MIGA2: variants seen among roughly 807,000 people sequenced by gnomAD.
The protein encoded by MIGA2 is mitoguardin 2.
Under a neutral mutation model 69.9 loss-of-function variants are expected in MIGA2, and 36 were observed. That is an observed-to-expected ratio of 0.52 (90% confidence interval 0.39 to 0.68). MIGA2 has a LOEUF of 0.68. Ranked by LOEUF, MIGA2 falls within the 30% of genes least tolerant of loss-of-function variation. The pLI, the probability that MIGA2 is intolerant of heterozygous loss-of-function variation, is 0.00. For missense variants in MIGA2, 660 were observed against 787.7 expected (o/e 0.84, Z 1.94); for synonymous variants, 333 against 349.2 (o/e 0.95, Z 0.52).
chr9:129,037,221 C>G (rs1409402998), intron 1 of MIGA2, among the ~76,000 whole-genome samples: 1 of 151,868 alleles, frequency 6.6e-6, no homozygotes, highest in African/African-American at 2.4e-5. Flanking sequence ...GAGTCGGGGA[C>G]GTTGTTGGGG....
At chr9:129,048,327 C>A in intron 3 of MIGA2, 100 bp from the exon 4 acceptor site, 1 of 1,018,534 alleles carries the variant, frequency 9.8e-7, no homozygotes, top group Non-Finnish European at 1.5e-6. Context: ...GGGACCGATT[C>A]CCAGATGAGG....
intron 6 of MIGA2, among the ~76,000 whole-genome samples, chr9:129,050,619 T>TG (rs1338179524): frequency 6.7e-6 from 1 of 150,338 alleles, no homozygotes; most frequent in Non-Finnish European, 1.5e-5. Flanking sequence ...TCACTCTGGC[T>TG]GGAGTGCAGT....
chr9:129,051,249 G>C (rs529767975), intron 6 of MIGA2: 29 of 173,282 alleles, frequency 1.7e-4, no homozygotes, highest in Non-Finnish European at 3.0e-4. Flanking sequence ...GTTTTCAACA[G>C]TGAATTATTT....
At chr9:129,039,554 T>TATG (rs1305702594) in intron 1 of MIGA2, among the ~76,000 whole-genome samples, 1 of 151,530 alleles carries the variant, frequency 6.6e-6, no homozygotes, top group East Asian at 1.9e-4. Context: ...TTCTTTATTT[T>TATG]ATTATTATTA....
intron 11 of MIGA2, among the ~76,000 whole-genome samples, chr9:129,064,351 C>T (rs928178532): frequency 6.6e-6 from 1 of 151,858 alleles, no homozygotes; most frequent in Non-Finnish European, 1.5e-5. Flanking sequence ...GGACTACAGG[C>T]GCTCGCCACC....
rs1357989505 is a variant in MIGA2, at chr9:129,059,638, G to A, written c.793+367G>A. 1.3e-5 allele frequency among the ~76,000 whole-genome samples: 2 copies of A among 152,220 alleles called. No homozygotes were observed. Among genetic ancestry groups the A allele is most frequent in the Admixed American group, 6.5e-5 (1 of 15,286 alleles). On this transcript the variant is annotated intron_variant, in intron 7 of 15. Transcript: ENST00000684074. The surrounding 1 kb of genome is among the most constrained non-coding windows in gnomAD (Gnocchi z 5.6). ...TGGGTGGGTGGATGGAGTGACTCAC[G>A]GGAGGTTCACTCAGAGCAGGCCAAA...
rs1845339786 is a variant in MIGA2 at position 129,048,320 on chromosome 9, A to C, written c.308-107A>C. 3.1e-6 allele frequency: 3 copies of C among 953,496 alleles called. No individual in the cohort carries two copies. In the South Asian group the frequency reaches 4.1e-5, roughly 13 times the overall value. The allele number at this position is 953,496 out of a possible 1,614,324, so 59.1% of individuals were successfully genotyped here. ...TGTTCCCCTGACTTAGAAGGTCGGGACCGATTCCCAGATGAGGAAGAAGGG... is the reference window on the plus strand; with the variant it reads ...TGTTCCCCTGACTTAGAAGGTCGGGCCCGATTCCCAGATGAGGAAGAAGGG... On this transcript the variant is annotated intron_variant, in intron 3 of 15. Transcript: ENST00000684074.
At chr9:129,044,265 C>CCAGG (rs1845087382) in intron 3 of MIGA2, among the ~76,000 whole-genome samples, 1 of 150,780 alleles carries the variant, frequency 6.6e-6, no homozygotes, top group African/African-American at 2.4e-5. Flanking sequence ...GTGCTGGGAG[C>CCAGG]CAGGCATGAG....
intron 11 of MIGA2, among the ~76,000 whole-genome samples, chr9:129,064,453 C>T (rs1489707028): frequency 4.0e-5 from 6 of 151,436 alleles, no homozygotes; most frequent in African/African-American, 1.2e-4. Context: ...GTGATCCGCC[C>T]GCCTCGGCCT....
At chr9:129,055,525 C>G (rs909791647) in intron 6 of MIGA2, among the ~76,000 whole-genome samples, 1 of 151,908 alleles carries the variant, frequency 6.6e-6, no homozygotes, top group African/African-American at 2.4e-5. Flanking sequence ...TCATAAATTT[C>G]CAAAAAATTC....
chr9:129,063,820 G>A (rs932290916), intron 11 of MIGA2, among the ~76,000 whole-genome samples, 189 bp downstream of exon 11: 2 of 152,164 alleles, frequency 1.3e-5, no homozygotes, highest in East Asian at 1.9e-4. Flanking sequence ...TTACCATCCC[G>A]CAGTTTACCC....
intron 11 of MIGA2, 23 bp downstream of exon 11, chr9:129,063,654 G>A (rs201550033): frequency 1.2e-5 from 10 of 863,552 alleles, no homozygotes; most frequent in Non-Finnish European, 1.8e-5. Flanking sequence ...GGGGTGGGGG[G>A]GCAAATTATA....
At chr9:129,047,156 T>G (rs1459516042) in intron 3 of MIGA2, 2 of 151,846 alleles carry the variant, frequency 1.3e-5, no homozygotes, top group Non-Finnish European at 2.9e-5. Flanking sequence ...CTTGGCTCAC[T>G]GCAACCTCTG....
In MIGA2 at chr9:129,042,426, G is replaced by A. The variant is rs1438641172; in HGVS notation, c.219G>A (p.Lys73=). The change falls in exon 3 of 16, where the codon AAG becomes AAA. Residue 73 remains lysine, a synonymous_variant. Coordinates refer to ENST00000684074, the MANE Select transcript of MIGA2 (RefSeq NM_001329990.2). The part of the protein sequence containing the change: ...HQLKRRRRRK[K]QVGPEMGGEQ... ...TGAAGAGGCGACGGAGGAGGAAGAA[G>A]CAGGTTGGTCCCGAGATGGGAGGGG... The A allele has an allele frequency of 1.9e-6, 3 of 1,613,254 alleles. No homozygotes were observed. The highest frequency in any genetic ancestry group is 1.1e-5 in the South Asian group (1 of 90,924).
intron 6 of MIGA2, among the ~76,000 whole-genome samples, chr9:129,052,584 G>A (rs1845604554): frequency 7.0e-6 from 1 of 143,032 alleles, no homozygotes; most frequent in African/African-American, 3.0e-5. Context: ...TGAGGGGATG[G>A]GGCCACTTTT....
At chr9:129,056,773 C>A (rs990948716) in intron 6 of MIGA2, among the ~76,000 whole-genome samples, 5 of 152,128 alleles carry the variant, frequency 3.3e-5, no homozygotes, top group Non-Finnish European at 5.9e-5. Flanking sequence ...CCCGCCTCGC[C>A]CCCCAAAGTG....
chr9:129,053,259 G>T (rs1845637015), intron 6 of MIGA2, among the ~76,000 whole-genome samples: 1 of 152,120 alleles, frequency 6.6e-6, no homozygotes, highest in African/African-American at 2.4e-5. Context: ...ATATCTACAT[G>T]CCAGGACGCC....
Position 129,049,775 on chromosome 9 carries a change from G to A in MIGA2, c.539-52G>A, listed in dbSNP as rs1198596232. 2.5e-6 allele frequency: 4 copies of A among 1,610,746 alleles called. No individual in the cohort carries two copies. In the Admixed American group the frequency reaches 6.8e-5, roughly 28 times the overall value. On this transcript the variant is annotated intron_variant, in intron 5 of 15. Transcript: ENST00000684074. ...TCCTTGATGTTCTGAGCCCCCTCTT[G>A]GGTGAGACTGTGGAGGTGCTGACCC...
chr9:129,069,993 C>T lies in MIGA2; in HGVS notation c.1575+28C>T. On this transcript the variant is annotated intron_variant, in intron 15 of 15. Coordinates refer to ENST00000684074, the MANE Select transcript of MIGA2 (RefSeq NM_001329990.2). This position sits in a 1 kb window ranked among gnomAD's most constrained non-coding sequence, Gnocchi z 4.9. ...AAACAGAGAGCAGTTCTCGTTCTTT[C>T]CTGACCCTTGCCCTGAGCACAGGCG... 6.5e-7 allele frequency: 1 copy of T among 1,544,042 alleles called. No individual in the cohort carries two copies. The highest frequency in any genetic ancestry group is 8.8e-7 in the Non-Finnish European group (1 of 1,134,608).
Sources: allele counts gnomAD v4.1 joint callset (sites outside exome capture counted in the v4.1 genomes callset), GRCh38; gene constraint gnomAD v4.1.1; non-coding constraint Gnocchi (gnomAD v3.1); transcripts MANE v1.5; gene names NCBI Gene and HGNC (gene_info 2026-07-23, HGNC 2026-07-21).